Variants in USH2A observed in about 807,000 individuals in gnomAD.
USH2A encodes Usher syndrome 2A (autosomal recessive, mild).
A neutral mutation model predicts 538.9 loss-of-function variants in USH2A; 443 were observed. That is an observed-to-expected ratio of 0.82 (90% CI 0.76 to 0.89). USH2A has a LOEUF of 0.89. Among genes scored for constraint, USH2A ranks in the 40% least tolerant of loss-of-function variants. The pLI, the probability that USH2A is intolerant of heterozygous loss-of-function variation, is 0.00. For synonymous variants in USH2A, 2,413 were observed against 2,273.5 expected, an observed-to-expected ratio of 1.06 and a Z score of -1.75; for missense variants, 6,633 against 6,324.8, an observed-to-expected ratio of 1.05 and a Z score of -1.65.
intron 9 of USH2A, among the ~76,000 whole-genome samples, chr1:216,318,401 C>A (rs374548963): frequency 4.6e-5 from 7 of 152,238 alleles, no homozygotes; most frequent in East Asian, 3.9e-4. Flanking sequence ...TACCGTAAGA[C>A]GACTTTTCTC....
chr1:216,099,883 A>G (rs10495016), intron 21 of USH2A, among the ~76,000 whole-genome samples: 6,614 of 152,256 alleles, frequency 0.043, 477 homozygotes, highest in African/African-American at 0.15. Context: ...TGGAAATGAG[A>G]AACTAAATCT....
chr1:216,370,150 A>G (rs2038678497), intron 3 of USH2A, among the ~76,000 whole-genome samples: 1 of 151,746 alleles, frequency 6.6e-6, no homozygotes, highest in Non-Finnish European at 1.5e-5. Flanking sequence ...CTTGAGGTGA[A>G]AAGTTCTAGA....
At chr1:216,014,514 A>G (rs79966459) in intron 32 of USH2A, among the ~76,000 whole-genome samples, 3,753 of 152,314 alleles carry the variant, frequency 0.025, 147 homozygotes, top group African/African-American at 0.083. Context: ...AACGGATTCA[A>G]ACAATTGCAG....
chr1:215,679,567 T>C (rs1307037446), intron 62 of USH2A, among the ~76,000 whole-genome samples: 2 of 152,220 alleles, frequency 1.3e-5, no homozygotes, highest in Non-Finnish European at 2.9e-5. Context: ...ATGCAGGCTA[T>C]TCATGAAAAT....
intron 40 of USH2A, among the ~76,000 whole-genome samples, chr1:215,896,550 T>C (rs1261120153): frequency 6.6e-6 from 1 of 152,148 alleles, no homozygotes; most frequent in Non-Finnish European, 1.5e-5. Flanking sequence ...AGGATTTCGG[T>C]AGGCAAAAGA....
chr1:215,910,060 A>C (rs1665738191), intron 38 of USH2A, among the ~76,000 whole-genome samples: 1 of 151,994 alleles, frequency 6.6e-6, no homozygotes, highest in Admixed American at 6.6e-5. Flanking sequence ...CTGAAAACCA[A>C]AAGACTATGA....
At chr1:215,908,072 C>T (rs1439979622) in intron 38 of USH2A, among the ~76,000 whole-genome samples, 1 of 151,934 alleles carries the variant, frequency 6.6e-6, no homozygotes, top group Non-Finnish European at 1.5e-5. Flanking sequence ...CTTTAGAGTA[C>T]ATTCATTTTA....
chr1:215,856,832 GGTGT>G (rs71159889), intron 44 of USH2A, among the ~76,000 whole-genome samples: 6,823 of 141,896 alleles, frequency 0.048, 224 homozygotes, highest in East Asian at 0.14. Flanking sequence ...AAAAAAATTT[GGTGT>G]GTGTGTGTGT....
At chr1:216,351,883 A>G (rs1257622809) in intron 4 of USH2A, among the ~76,000 whole-genome samples, 1 of 152,078 alleles carries the variant, frequency 6.6e-6, no homozygotes, top group African/African-American at 2.4e-5. Flanking sequence ...ATTGACAAGG[A>G]TGACTCCAAA....
At chr1:216,160,639 A>T (rs1486500954) in intron 21 of USH2A, among the ~76,000 whole-genome samples, 1 of 152,122 alleles carries the variant, frequency 6.6e-6, no homozygotes, top group African/African-American at 2.4e-5. Flanking sequence ...TCTATAGCCC[A>T]GGATATTAAC....
At chr1:216,414,488 C>T (rs2039544734) in intron 3 of USH2A, among the ~76,000 whole-genome samples, 1 of 151,902 alleles carries the variant, frequency 6.6e-6, no homozygotes, top group Admixed American at 6.6e-5. Context: ...CATCTTTTCC[C>T]CCAGATATTT....
intron 49 of USH2A, among the ~76,000 whole-genome samples, chr1:215,802,662 T>C (rs904156212): frequency 7.2e-5 from 11 of 152,076 alleles, no homozygotes; most frequent in African/African-American, 2.7e-4. Context: ...GTTGGGAATA[T>C]AAAATGTTAA....
chr1:215,849,581 C>T (rs1663964290), intron 44 of USH2A, among the ~76,000 whole-genome samples: 1 of 151,656 alleles, frequency 6.6e-6, no homozygotes, highest in South Asian at 2.1e-4. Flanking sequence ...TATGAAATGC[C>T]CCAATAAACC....
chr1:216,046,662 C>T lies in USH2A; in HGVS notation c.6164-70G>A, dbSNP rs2030535161. Reference sequence around the variant, plus strand: ...CTAATTCAAACTTTTCAGACCCAAACCAATAAATCATGGAATAAACCTGAA... The same window carrying T: ...CTAATTCAAACTTTTCAGACCCAAATCAATAAATCATGGAATAAACCTGAA... On this transcript the variant is annotated intron_variant, in intron 31 of 71. Coordinates refer to ENST00000307340, the MANE Select transcript of USH2A (RefSeq NM_206933.4). 4 of 1,563,198 alleles carry T rather than the reference C, an allele frequency of 2.6e-6. No individual in the cohort carries two copies. In the South Asian group the frequency reaches 3.4e-5, roughly 13 times the overall value.
intron 32 of USH2A, among the ~76,000 whole-genome samples, chr1:216,015,469 C>T (rs1668686563): frequency 6.6e-6 from 1 of 152,180 alleles, no homozygotes; most frequent in South Asian, 2.1e-4. Flanking sequence ...TCCTTTTCCT[C>T]ATAGGAGCCT....
At chr1:216,317,242 G>C (rs2037526112) in intron 9 of USH2A, among the ~76,000 whole-genome samples, 1 of 152,106 alleles carries the variant, frequency 6.6e-6, no homozygotes, top group Admixed American at 6.6e-5. Context: ...ATCATTTGCA[G>C]GGACATGAAT....
intron 61 of USH2A, among the ~76,000 whole-genome samples, chr1:215,685,633 C>G (rs774611309): frequency 6.6e-6 from 1 of 152,102 alleles, no homozygotes; most frequent in African/African-American, 2.4e-5. Flanking sequence ...GCTGGGATTA[C>G]AGGCATGAGC....
intron 21 of USH2A, among the ~76,000 whole-genome samples, chr1:216,122,223 C>T (rs1165386246): frequency 6.6e-6 from 1 of 152,102 alleles, no homozygotes; most frequent in African/African-American, 2.4e-5. Context: ...TATGACTACC[C>T]AGCTGCAAGC....
intron 37 of USH2A, among the ~76,000 whole-genome samples, chr1:215,947,922 G>C (rs542031606): frequency 1.3e-5 from 2 of 152,148 alleles, no homozygotes; most frequent in Admixed American, 1.3e-4. Context: ...CATTAAATAG[G>C]AAACAGGTAC....
Sources: gnomAD v4.1 joint callset for allele counts (sites outside exome capture counted in the v4.1 genomes callset) on GRCh38, gnomAD v4.1.1 for gene constraint, MANE v1.5 for transcripts, NCBI Gene and HGNC (gene_info 2026-07-23, HGNC 2026-07-21) for gene names.